Variants in EFCAB6 observed in about 807,000 individuals in gnomAD.
EFCAB6 encodes the protein EF-hand calcium-binding domain-containing protein 6.
Under a neutral mutation model 169.8 loss-of-function variants are expected in EFCAB6, and 156 were observed. The observed-to-expected ratio is 0.92, with a 90% CI of 0.81 to 1.05. The LOEUF is 1.05. Ranked by LOEUF, EFCAB6 falls within the 50% of genes least tolerant of loss-of-function variation. The probability of loss-of-function intolerance (pLI) is 0.00; values close to 1 mark genes in which losing one functional copy is unlikely to be tolerated. For missense variants in EFCAB6, 1,800 were observed against 1,829.1 expected (o/e 0.98, Z 0.29); for synonymous variants, 698 against 676.4 (o/e 1.03, Z -0.50).
chr22:43,751,196 T>G (rs1213715692), intron 6 of EFCAB6, among the ~76,000 whole-genome samples: 1 of 152,086 alleles, frequency 6.6e-6, no homozygotes, highest in African/African-American at 2.4e-5. Context: ...GAAGAACGTA[T>G]TTTTTTTGTG....
chr22:43,788,331 A>C (rs2062154505), intron 2 of EFCAB6, among the ~76,000 whole-genome samples: 1 of 152,242 alleles, frequency 6.6e-6, no homozygotes, highest in Non-Finnish European at 1.5e-5. Context: ...CCAATCATAT[A>C]TCTGATAAGG....
chr22:43,632,467 T>G (rs146205119), intron 18 of EFCAB6, among the ~76,000 whole-genome samples: 1 of 152,232 alleles, frequency 6.6e-6, no homozygotes, highest in Non-Finnish European at 1.5e-5. Flanking sequence ...GCCTGGCTAA[T>G]TTTTGTACTT....
intron 17 of EFCAB6, among the ~76,000 whole-genome samples, chr22:43,662,427 T>G (rs2057051866): frequency 6.6e-6 from 1 of 152,042 alleles, no homozygotes; most frequent in African/African-American, 2.4e-5. Flanking sequence ...GCACTTCCAA[T>G]TTCCAGTATG....
At chr22:43,621,087 C>G (rs9626002) in intron 20 of EFCAB6, among the ~76,000 whole-genome samples, 7,088 of 132,378 alleles carry the variant, frequency 0.054, 590 homozygotes, top group African/African-American at 0.19. Flanking sequence ...AAACACTATG[C>G]AATTTTTTTT....
Position 43,776,550 on chromosome 22 carries a change from G to A in EFCAB6, c.140-3447C>T, listed in dbSNP as rs185051964. Among the ~76,000 whole-genome samples the A allele has an allele frequency of 5.0e-3, 766 of 152,278 alleles. 8 individuals carry two copies. The highest frequency in any genetic ancestry group is 5.6e-3 in the Non-Finnish European group (379 of 68,016). ...GGTCAAGGAAGTCTGCTCCAAAGTG[G>A]GTTTGTGAGCTGAAACCCGGAAGGA... On this transcript the variant is annotated intron_variant, in intron 3 of 31. Transcript: ENST00000262726.
intron 10 of EFCAB6, among the ~76,000 whole-genome samples, chr22:43,701,151 C>CT (rs1945680051): frequency 6.6e-6 from 1 of 152,264 alleles, no homozygotes; most frequent in East Asian, 1.9e-4. Flanking sequence ...GGTTTTCTGA[C>CT]TCCACCACTT....
chr22:43,687,412 TA>T, intron 11 of EFCAB6, 58 bp downstream of exon 11: 1 of 1,015,750 alleles, frequency 9.8e-7, no homozygotes, highest in African/African-American at 1.7e-5. Flanking sequence ...TATTCTCTGA[TA>T]TTTTACATAT....
rs150858534 is a variant in EFCAB6, at chr22:43,672,450, T to G, written c.1420-145A>C. ...AGACCTTGAACAACGGAGCTTGCCC[T>G]CTAATACCCATCTGAAAGTAAGGAT... On this transcript the variant is annotated intron_variant, in intron 13 of 31. Transcript: ENST00000262726. 4.9e-4 allele frequency: 351 copies of G among 721,870 alleles called. 2 individuals carry two copies. In the African/African-American group the frequency reaches 5.0e-3, roughly 10 times the overall value. The allele number at this position is 721,870 out of a possible 1,614,324, so 44.7% of individuals were successfully genotyped here. A position where few individuals can be genotyped will look rare whatever the true frequency, so the allele number is the denominator to read the frequency against.
At chr22:43,576,581 A>G (rs1339782978) in intron 25 of EFCAB6, 93 bp from the exon 26 acceptor site, 1 of 1,123,024 alleles carries the variant, frequency 8.9e-7, no homozygotes, top group African/African-American at 1.6e-5. Context: ...CTGAATGCAA[A>G]TGAAGCCTAG....
chr22:43,668,303 T>C (rs6006435), intron 16 of EFCAB6, among the ~76,000 whole-genome samples: 1,764 of 152,348 alleles, frequency 0.012, 35 homozygotes, highest in African/African-American at 0.041. Context: ...GTTAGAATAA[T>C]ATCTTTTCAT....
At position 43,540,142 on chromosome 22, in the gene EFCAB6, C is replaced by T. The variant is rs368908026; in HGVS notation, c.3864G>A (p.Ser1288=). 185 of 1,613,910 alleles carry T rather than the reference C, an allele frequency of 1.1e-4. No individual in the cohort carries two copies. Among genetic ancestry groups the T allele is most frequent in the Non-Finnish European group, 1.5e-4 (172 of 1,179,960 alleles). The change falls in exon 28 of 32, where the codon TCG becomes TCA. Residue 1288 remains serine, a synonymous_variant. Coordinates refer to ENST00000262726, the MANE Select transcript of EFCAB6 (RefSeq NM_022785.4). The part of the protein sequence containing the change: ...PTQELRPGSK[S]QSHPCTPAST... ...GAGAACTCACACAGGGGTGGCTCTGCGACTTTGACCCTGGTCTCAGCTCCT... is the reference window on the plus strand; with the variant it reads ...GAGAACTCACACAGGGGTGGCTCTGTGACTTTGACCCTGGTCTCAGCTCCT...
intron 22 of EFCAB6, among the ~76,000 whole-genome samples, chr22:43,601,350 T>G (rs2052508616): frequency 6.6e-6 from 1 of 152,256 alleles, no homozygotes; most frequent in African/African-American, 2.4e-5. Flanking sequence ...AAGAAAGCAT[T>G]TATTTTTACA....
At chr22:43,695,950 A>G (rs1480074028) in intron 10 of EFCAB6, among the ~76,000 whole-genome samples, 1 of 152,050 alleles carries the variant, frequency 6.6e-6, no homozygotes, top group Non-Finnish European at 1.5e-5. Context: ...TTACCCATAA[A>G]ATTTTGTAAA....
chr22:43,556,481 A>C (rs1248142441), intron 26 of EFCAB6, among the ~76,000 whole-genome samples: 10 of 152,352 alleles, frequency 6.6e-5, no homozygotes, highest in Middle Eastern at 3.4e-3. Context: ...ATCAAAGCCC[A>C]CCATGGCTGT....
rs574813888 is a variant in EFCAB6 at position 43,617,693 on chromosome 22, T to C, written c.2466-1771A>G. 7.2e-5 allele frequency among the ~76,000 whole-genome samples: 11 copies of C among 152,296 alleles called. 2 individuals are homozygous for C. The highest frequency in any genetic ancestry group is 2.6e-4 in the African/African-American group (11 of 41,564). ...CTCGTTAGTCACAGATACATAGGAA[T>C]AGTCACTATGTGCTGCTCTAGAACC... On this transcript the variant is annotated intron_variant, in intron 20 of 31. Transcript: ENST00000262726.
intron 6 of EFCAB6, among the ~76,000 whole-genome samples, chr22:43,737,176 A>G (rs1041180959): frequency 1.3e-5 from 2 of 151,790 alleles, no homozygotes; most frequent in Non-Finnish European, 2.9e-5. Context: ...GAATGGGCAC[A>G]CCTCCCTGGC....
At chr22:43,608,117 C>T (rs73172065) in intron 22 of EFCAB6, among the ~76,000 whole-genome samples, 3,824 of 152,224 alleles carry the variant, frequency 0.025, 67 homozygotes, top group South Asian at 0.039. Context: ...TTACCCATTG[C>T]ATATCTGCTG....
In EFCAB6 at chr22:43,773,000, C is replaced by T. The variant is rs759806188; in HGVS notation, c.243G>A (p.Leu81=). The T allele has an allele frequency of 5.0e-6, 8 of 1,614,226 alleles. No individual in the cohort carries two copies. Among genetic ancestry groups the T allele is most frequent in the Non-Finnish European group, 6.8e-6 (8 of 1,180,042 alleles). ...CAGTCAAGTTCTGACCAGTATCCAG[C>T]AGCTGAAAGGCTTTTTGCAACTCAT... ...RGDELQKAFQ[L]LDTGQNLTVS... is the part of the protein sequence containing the mutation. The change falls in exon 4 of 32, where the codon CTG becomes CTA. Residue 81 remains leucine, a synonymous_variant. Coordinates refer to ENST00000262726, the MANE Select transcript of EFCAB6 (RefSeq NM_022785.4).
chr22:43,557,111 A>G (rs2048753012), intron 26 of EFCAB6, among the ~76,000 whole-genome samples: 1 of 152,196 alleles, frequency 6.6e-6, no homozygotes, highest in Non-Finnish European at 1.5e-5. Flanking sequence ...GATGGAGCCC[A>G]GCATGGGAAG....
Sources: gnomAD v4.1 joint callset for allele counts (sites outside exome capture counted in the v4.1 genomes callset) on GRCh38, gnomAD v4.1.1 for gene constraint, MANE v1.5 for transcripts, NCBI Gene and HGNC (gene_info 2026-07-23, HGNC 2026-07-21) for gene names.